STK3: variants seen among roughly 807,000 people sequenced by gnomAD.
STK3 encodes the protein serine/threonine kinase 3.
In STK3, 41 loss-of-function variants were observed where a neutral mutation model predicts 58.0. The observed-to-expected ratio is 0.71, with a 90% confidence interval of 0.55 to 0.92. The LOEUF is 0.92. Among genes scored for constraint, STK3 ranks in the 40% least tolerant of loss-of-function variants. The pLI is 0.00. For missense variants in STK3, 479 were observed against 602.7 expected, an observed-to-expected ratio of 0.79 and a Z score of 2.15; for synonymous variants, 170 against 191.0, an observed-to-expected ratio of 0.89 and a Z score of 0.91.
chr8:98,467,648 G>C (rs1376414434), intron 10 of STK3, among the ~76,000 whole-genome samples: 1 of 151,806 alleles, frequency 6.6e-6, no homozygotes, highest in African/African-American at 2.4e-5. Flanking sequence ...TATTTTTTCA[G>C]CATGTTTAAT....
rs182535907 is a variant in STK3, at chr8:98,741,778, G to A, written c.351+7498C>T. ...AACTGAAGGAAATAGAGACACAAAAGACTAATGAATCCAGGAGCTGGTTTT... is the reference window on the plus strand; with the variant it reads ...AACTGAAGGAAATAGAGACACAAAAAACTAATGAATCCAGGAGCTGGTTTT... On this transcript the variant is annotated intron_variant, in intron 4 of 10. Transcript: ENST00000419617. 9.0e-3 allele frequency among the ~76,000 whole-genome samples: 1,325 copies of A among 146,838 alleles called. 10 individuals are homozygous for A. Among genetic ancestry groups the A allele is most frequent in the African/African-American group, 0.03 (1,244 of 40,826 alleles).
At chr8:98,390,227 T>G (rs1050913982), upstream of STK3, among the ~76,000 whole-genome samples, 1 of 152,222 alleles carries the variant, frequency 6.6e-6, no homozygotes, top group African/African-American at 2.4e-5. Context: ...CAAATTCTCT[T>G]AGTTTTCTTT....
chr8:98,746,291 A>G (rs1829636159), intron 4 of STK3, among the ~76,000 whole-genome samples: 2 of 152,248 alleles, frequency 1.3e-5, no homozygotes, highest in African/African-American at 4.8e-5. Flanking sequence ...CAAAGATCAC[A>G]AGGCACAGAC....
At chr8:98,560,311 T>A (rs1471427246) in intron 8 of STK3, among the ~76,000 whole-genome samples, 1 of 152,112 alleles carries the variant, frequency 6.6e-6, no homozygotes, top group Middle Eastern at 3.2e-3. Context: ...GTAGAAAATT[T>A]CACAGAATCT....
chr8:98,634,942 T>A (rs1204832688), intron 6 of STK3, among the ~76,000 whole-genome samples: 1 of 151,994 alleles, frequency 6.6e-6, no homozygotes, highest in African/African-American at 2.4e-5. Context: ...AAATGCAATA[T>A]CCCCAGGTTA....
intron 3 of STK3, among the ~76,000 whole-genome samples, chr8:98,845,052 G>A (rs565236706): frequency 6.6e-6 from 1 of 152,250 alleles, no homozygotes; most frequent in East Asian, 1.9e-4. Context: ...ACTTGCTCTG[G>A]TTCTTATCCT....
At chr8:98,429,647 C>T (rs1563600586) in intron 3 of STK3, 1 of 504,984 alleles carries the variant, frequency 2.0e-6, no homozygotes. Flanking sequence ...CTGGTCTTTG[C>T]ATCGTGGGCA....
At chr8:98,620,650 A>C (rs1341806130) in intron 6 of STK3, among the ~76,000 whole-genome samples, 1 of 151,556 alleles carries the variant, frequency 6.6e-6, no homozygotes, top group Non-Finnish European at 1.5e-5. Flanking sequence ...AGAAGAACAA[A>C]AATAAATGCA....
chr8:98,798,027 T>C (rs1364039163), intron 1 of STK3, among the ~76,000 whole-genome samples: 1 of 152,178 alleles, frequency 6.6e-6, no homozygotes, highest in Non-Finnish European at 1.5e-5. Flanking sequence ...TTTTTAAAAA[T>C]TGACAATTGT....
intron 1 of STK3, among the ~76,000 whole-genome samples, chr8:98,444,366 A>G (rs148635903): frequency 6.6e-6 from 1 of 152,290 alleles, no homozygotes; most frequent in East Asian, 1.9e-4. Flanking sequence ...AATGACCCTT[A>G]TCCTGCATGT....
At chr8:98,925,573 A>G (rs1271984478) in intron 1 of STK3, among the ~76,000 whole-genome samples, 1 of 152,210 alleles carries the variant, frequency 6.6e-6, no homozygotes, top group Non-Finnish European at 1.5e-5. Context: ...ATAGCCTTCA[A>G]TGTCAGGAAT....
At chr8:98,517,734 T>C (rs1180663138) in intron 10 of STK3, among the ~76,000 whole-genome samples, 1 of 152,106 alleles carries the variant, frequency 6.6e-6, no homozygotes, top group Non-Finnish European at 1.5e-5. Flanking sequence ...TGAAATCGAA[T>C]GCTTTATTTA....
intron 6 of STK3, among the ~76,000 whole-genome samples, chr8:98,653,782 G>A (rs2130732624): frequency 1.3e-5 from 2 of 152,156 alleles, no homozygotes; most frequent in Admixed American, 1.3e-4. Flanking sequence ...GACTAAACCA[G>A]GAAGAAGTTG....
chr8:98,356,135 G>C, the STK3 span, among the ~76,000 whole-genome samples: 2 of 152,212 alleles, frequency 1.3e-5, no homozygotes, highest in Admixed American at 1.3e-4. Flanking sequence ...AGCATTGCTG[G>C]AAGAAGACAC....
intron 1 of STK3, among the ~76,000 whole-genome samples, chr8:98,444,376 T>A (rs997164917): frequency 6.6e-6 from 1 of 152,066 alleles, no homozygotes; most frequent in African/African-American, 2.4e-5. Flanking sequence ...ATCCTGCATG[T>A]GATGGAAATT....
At chr8:98,628,363 G>A (rs1396519957) in intron 6 of STK3, among the ~76,000 whole-genome samples, 3 of 152,156 alleles carry the variant, frequency 2.0e-5, no homozygotes, top group Non-Finnish European at 2.9e-5. Flanking sequence ...GAAAGACTCT[G>A]TAGATTACTC....
intron 6 of STK3, among the ~76,000 whole-genome samples, chr8:98,663,398 T>C (rs1226452522): frequency 2.6e-5 from 4 of 152,096 alleles, no homozygotes; most frequent in Admixed American, 2.0e-4. Flanking sequence ...TGTGGAGAAA[T>C]AGGAACACTT....
rs1376045996 is a variant in STK3 at position 98,825,521 on chromosome 8, G to A, written c.20C>T (p.Pro7Leu). 1 of 1,456,800 alleles carries A rather than the reference G, an allele frequency of 6.9e-7. No homozygotes were observed. The highest frequency in any genetic ancestry group is 9.1e-7 in the Non-Finnish European group (1 of 1,099,430). 90.2% of individuals were successfully genotyped at this position (1,456,800 alleles called of 1,614,324 possible). A position where few individuals can be genotyped will look rare whatever the true frequency, so the allele number is the denominator to read the frequency against. The stretch of plus-strand genomic sequence containing the variant: ...CCGCTCCCCGATTCGTTACCTCTTA[G>A]GCGCCGGCGGCTGCTCCATGGCGGC... MEQPPAPKSKLKKLSED... is the reference protein window; with the variant it reads MEQPPALKSKLKKLSED... Residue 7 changes from proline to leucine, a missense_variant, in exon 1 of 11, where the codon CCT becomes CTT. Pro to Leu is a moderately conservative substitution (Grantham distance 98). This residue lies in a region of STK3 where 44 missense variants were observed against 37.0 expected (regional missense o/e 1.19). Transcript: ENST00000419617.
chr8:98,640,832 A>G (rs908034617), intron 6 of STK3, among the ~76,000 whole-genome samples: 1 of 151,610 alleles, frequency 6.6e-6, no homozygotes, highest in African/African-American at 2.4e-5. Context: ...GAATTTAACT[A>G]TAAAATCTAA....
Sources: gnomAD v4.1 joint callset for allele counts (sites outside exome capture counted in the v4.1 genomes callset) on GRCh38, gnomAD v4.1.1 for gene constraint, gnomAD v4.1.1 regional missense constraint, MANE v1.5 for transcripts, NCBI Gene and HGNC (gene_info 2026-07-23, HGNC 2026-07-21) for gene names.